Variants in PDLIM5 observed in about 807,000 individuals in gnomAD.
The protein encoded by PDLIM5 is PDZ and LIM domain 5, also known as PDZ and LIM domain protein 5.
In PDLIM5, 34 loss-of-function variants were observed where a neutral mutation model predicts 64.2. The observed-to-expected ratio is 0.53, with a 90% CI of 0.40 to 0.71. The LOEUF (loss-of-function observed/expected upper bound fraction) is 0.71, where lower values mean the gene tolerates loss of function less well. PDLIM5 is among the 30% of genes least tolerant of loss of function. The probability of loss-of-function intolerance (pLI) is 0.00; values close to 1 mark genes in which losing one functional copy is unlikely to be tolerated. For missense variants in PDLIM5, 683 were observed against 733.6 expected (o/e 0.93, Z 0.80); for synonymous variants, 253 against 269.1 (o/e 0.94, Z 0.59).
intron 7 of PDLIM5, 117 bp from the exon 8 acceptor site, chr4:94,617,887 C>A: frequency 1.9e-6 from 1 of 533,620 alleles, no homozygotes; most frequent in Non-Finnish European, 3.1e-6. Flanking sequence ...ATTTTCTTTT[C>A]TAAAGAATTG....
chr4:94,639,476 G>A (rs2110455179), intron 8 of PDLIM5, among the ~76,000 whole-genome samples: 1 of 152,164 alleles, frequency 6.6e-6, no homozygotes, highest in South Asian at 2.1e-4. Context: ...GGGAAGAGGA[G>A]GCAAAGTCAA....
chr4:94,597,397 C>T (rs1048750998), intron 7 of PDLIM5, among the ~76,000 whole-genome samples: 1 of 150,702 alleles, frequency 6.6e-6, no homozygotes, highest in African/African-American at 2.4e-5. Context: ...AAAAGTACAC[C>T]CACCAACAGT....
intron 7 of PDLIM5, among the ~76,000 whole-genome samples, chr4:94,607,374 T>C (rs1486257536): frequency 6.6e-6 from 1 of 152,196 alleles, no homozygotes; most frequent in Admixed American, 6.5e-5. Flanking sequence ...TTCTTCATTT[T>C]TTCTTTACCT....
chr4:94,490,229 T>C (rs895858180), intron 2 of PDLIM5, among the ~76,000 whole-genome samples: 3 of 152,024 alleles, frequency 2.0e-5, no homozygotes, highest in Non-Finnish European at 4.4e-5. Flanking sequence ...CAACAATGAC[T>C]AAAATATTAT....
chr4:94,545,681 A>G (rs1234613615), intron 3 of PDLIM5, among the ~76,000 whole-genome samples: 5 of 152,140 alleles, frequency 3.3e-5, no homozygotes, highest in Non-Finnish European at 5.9e-5. Context: ...TTTCATTTTT[A>G]TAGTCATTTT....
In PDLIM5 at chr4:94,666,347, G is replaced by C. The variant is rs1300884928; in HGVS notation, c.*2280G>C. On this transcript the variant is annotated 3_prime_UTR_variant, in exon 13 of 13. Coordinates refer to ENST00000317968, the MANE Select transcript of PDLIM5 (RefSeq NM_006457.5). The stretch of plus-strand genomic sequence containing the variant: ...TAGCAAACTGAATACTTCTCCAATA[G>C]CAACCCCAAGCTACCTCCTCACCCT... The C allele has an allele frequency of 7.9e-6, 2 of 253,212 alleles. No homozygotes were observed. Among genetic ancestry groups the C allele is most frequent in the Non-Finnish European group, 1.5e-5 (2 of 134,416 alleles). 15.7% of individuals were successfully genotyped at this position (253,212 alleles called of 1,614,324 possible). A position where few individuals can be genotyped will look rare whatever the true frequency, so the allele number is the denominator to read the frequency against.
chr4:94,466,985 T>C (rs1483667922), intron 2 of PDLIM5, among the ~76,000 whole-genome samples: 1 of 152,232 alleles, frequency 6.6e-6, no homozygotes, highest in African/African-American at 2.4e-5. Context: ...GTGGTTTCAT[T>C]AAAGTTAAAA....
intron 2 of PDLIM5, among the ~76,000 whole-genome samples, chr4:94,514,529 T>G (rs532841272): frequency 9.8e-5 from 15 of 152,318 alleles, no homozygotes; most frequent in Middle Eastern, 3.4e-3. Context: ...TGTCTGGTTT[T>G]GGAATCAGGG....
intron 7 of PDLIM5, chr4:94,610,233 T>G (rs1336773156): frequency 6.6e-7 from 1 of 1,518,342 alleles, no homozygotes; most frequent in Admixed American, 2.0e-5. Flanking sequence ...TCTCTTCTCC[T>G]GCTAGATATA....
chr4:94,481,613 T>G (rs1208122986), intron 2 of PDLIM5, among the ~76,000 whole-genome samples: 1 of 151,470 alleles, frequency 6.6e-6, no homozygotes, highest in Non-Finnish European at 1.5e-5. Context: ...TTTATTTTAT[T>G]TCATTTTTTT....
intron 3 of PDLIM5, among the ~76,000 whole-genome samples, chr4:94,528,962 C>G (rs1010560332): frequency 1.3e-5 from 2 of 152,158 alleles, no homozygotes; most frequent in Non-Finnish European, 2.9e-5. Flanking sequence ...TGTGGTGGCC[C>G]TCTGTCAGGG....
At chr4:94,551,810 C>A (rs1732834401) in intron 3 of PDLIM5, among the ~76,000 whole-genome samples, 1 of 152,086 alleles carries the variant, frequency 6.6e-6, no homozygotes, top group African/African-American at 2.4e-5. Context: ...CAACTGAGGT[C>A]ATCTCAGAAA....
In PDLIM5 at chr4:94,573,382, C is replaced by G. The variant is rs1305061728; in HGVS notation, c.280C>G (p.Pro94Ala). ...TGCTGCACCCAAGCCTGAGCCGGTT[C>G]CTGTTCAAAAGGTGTGTTTTTAAGC... ...ASAAPKPEPV[P>A]VQKGEPKEVV... The change falls in exon 4 of 13, where the codon CCT becomes GCT. Residue 94 changes from proline to alanine, a missense_variant. Transcript: ENST00000317968. The G allele has an allele frequency of 6.2e-7, 1 of 1,611,696 alleles. No individual in the cohort carries two copies.
intron 7 of PDLIM5, among the ~76,000 whole-genome samples, chr4:94,604,549 G>A (rs1057087093): frequency 1.3e-5 from 2 of 152,244 alleles, no homozygotes; most frequent in South Asian, 2.1e-4. Context: ...CAGGAGAATC[G>A]TTTGAACCAG....
chr4:94,496,761 GGGATT>G (rs1440646842), intron 2 of PDLIM5, among the ~76,000 whole-genome samples: 1 of 152,124 alleles, frequency 6.6e-6, no homozygotes, highest in Non-Finnish European at 1.5e-5. Context: ...CCAAAGTGTT[GGGATT>G]ACAGGTGTGA....
chr4:94,625,397 T>A (rs1052643185), intron 8 of PDLIM5, among the ~76,000 whole-genome samples: 38 of 152,056 alleles, frequency 2.5e-4, no homozygotes, highest in African/African-American at 7.7e-4. Flanking sequence ...TGATATTAGT[T>A]GATATGATAT....
intron 2 of PDLIM5, among the ~76,000 whole-genome samples, chr4:94,489,743 T>C (rs1726687856): frequency 6.6e-6 from 1 of 151,962 alleles, no homozygotes; most frequent in Admixed American, 6.6e-5. Flanking sequence ...CTGGGCAACA[T>C]AGGGAAGGCC....
rs767017469 is a variant in PDLIM5 at position 94,586,416 on chromosome 4, T to C, written c.892T>C (p.Ser298Pro). 6.6e-7 allele frequency: 1 copy of C among 1,518,592 alleles called. No individual in the cohort carries two copies. Among genetic ancestry groups the C allele is most frequent in the Non-Finnish European group, 9.1e-7 (1 of 1,098,618 alleles). 94.1% of individuals were successfully genotyped at this position (1,518,592 alleles called of 1,614,324 possible). A position where few individuals can be genotyped will look rare whatever the true frequency, so the allele number is the denominator to read the frequency against. The part of the protein sequence containing the change: ...QITGTEHLKE[S>P]EADNTKKANN... ...TGCTTATTATATTTCAGTGAAAGAA[T>C]CTGAAGCCGATAATACAAAGAAGGC... is the stretch of plus-strand genomic sequence containing the variant. The change falls in exon 7 of 13, where the codon TCT (serine) becomes CCT (proline). Residue 298 changes from serine to proline, a missense_variant. Transcript: ENST00000317968.
chr4:94,557,412 C>G (rs1048230579), intron 3 of PDLIM5, among the ~76,000 whole-genome samples: 1 of 152,078 alleles, frequency 6.6e-6, no homozygotes, highest in East Asian at 1.9e-4. Flanking sequence ...TCCATATGAA[C>G]TTTAAAGTAG....
Sources: gnomAD v4.1 joint callset for allele counts (sites outside exome capture counted in the v4.1 genomes callset) on GRCh38, gnomAD v4.1.1 for gene constraint, MANE v1.5 for transcripts, NCBI Gene and HGNC (gene_info 2026-07-23, HGNC 2026-07-21) for gene names.